CTNNA3: variants seen among roughly 807,000 people sequenced by gnomAD.
The protein encoded by CTNNA3 is catenin alpha 3, also known as catenin alpha-3.
A neutral mutation model predicts 95.7 loss-of-function variants in CTNNA3; 76 were observed. The observed-to-expected ratio is 0.79, with a 90% CI of 0.66 to 0.96. The LOEUF (loss-of-function observed/expected upper bound fraction) is 0.96. Among genes scored for constraint, CTNNA3 ranks in the 40% least tolerant of loss-of-function variants. The pLI is 0.00. For synonymous variants in CTNNA3, 431 were observed against 374.4 expected, an observed-to-expected ratio of 1.15 and a Z score of -1.74; for missense variants, 1,191 against 1,089.8, an observed-to-expected ratio of 1.09 and a Z score of -1.31.
intron 17 of CTNNA3, among the ~76,000 whole-genome samples, chr10:65,931,321 C>T (rs930330753): frequency 1.3e-5 from 2 of 152,192 alleles, no homozygotes; most frequent in South Asian, 2.1e-4. Flanking sequence ...GTGGGCACTG[C>T]CATAGCGCCT....
At chr10:66,008,961 G>A (rs1022656188) in intron 15 of CTNNA3, among the ~76,000 whole-genome samples, 1 of 152,086 alleles carries the variant, frequency 6.6e-6, no homozygotes, top group Non-Finnish European at 1.5e-5. Context: ...TTATCCGTAT[G>A]TAGTGGCACG....
Position 66,280,641 on chromosome 10 carries a change from G to A in CTNNA3, c.1733-20C>T, listed in dbSNP as rs2091476722. 6.3e-7 allele frequency: 1 copy of A among 1,584,078 alleles called. No homozygotes were observed. The highest frequency in any genetic ancestry group is 1.4e-5 in the African/African-American group (1 of 73,344). On this transcript the variant is annotated intron_variant, in intron 12 of 17. Transcript: ENST00000433211. Reference sequence around the variant, plus strand: ...GAATTACTGTTAAAATAAAGAATAAGGAGAAGATTGTCCTCTTTGTATTTT... The same window carrying A: ...GAATTACTGTTAAAATAAAGAATAAAGAGAAGATTGTCCTCTTTGTATTTT...
At chr10:67,271,331 G>C (rs1225364225) in intron 5 of CTNNA3, among the ~76,000 whole-genome samples, 1 of 152,100 alleles carries the variant, frequency 6.6e-6, no homozygotes, top group African/African-American at 2.4e-5. Flanking sequence ...TAGTGAGTTC[G>C]TTCTCAGGAG....
intron 12 of CTNNA3, among the ~76,000 whole-genome samples, chr10:66,288,777 C>T (rs1488808572): frequency 2.0e-5 from 3 of 151,996 alleles, no homozygotes; most frequent in East Asian, 1.9e-4. Flanking sequence ...TGAGTGATAT[C>T]GGTATCATCT....
intron 9 of CTNNA3, among the ~76,000 whole-genome samples, chr10:66,632,960 C>A (rs1383097384): frequency 3.3e-5 from 5 of 152,052 alleles, no homozygotes; most frequent in African/African-American, 1.2e-4. Context: ...CTAGCTCTTA[C>A]TAAGCAGGAT....
At chr10:65,936,045 G>T (rs531462465) in intron 17 of CTNNA3, among the ~76,000 whole-genome samples, 2 of 152,168 alleles carry the variant, frequency 1.3e-5, no homozygotes, top group African/African-American at 4.8e-5. Flanking sequence ...GATGTATCTT[G>T]GTTTCAGGCT....
rs1564825256 is a variant in CTNNA3 at position 67,679,210 on chromosome 10, T to C, written c.-6+16790A>G. On this transcript the variant is annotated intron_variant, in intron 1 of 17. Coordinates refer to ENST00000433211, the MANE Select transcript of CTNNA3 (RefSeq NM_013266.4). ...CTATTGACATTTGAGGCTGGATAAC[T>C]CTTTATGGTTGGGGGCTTTCCTGTG... 3.9e-5 allele frequency among the ~76,000 whole-genome samples: 6 copies of C among 152,312 alleles called. No individual in the cohort carries two copies. The South Asian group carries it at 1.2e-3, about 32-fold the overall frequency.
Position 67,322,517 on chromosome 10 carries a change from G to A in CTNNA3, c.580-102647C>T, listed in dbSNP as rs143666464. Among the ~76,000 whole-genome samples, 835 of 152,220 alleles carry A rather than the reference G, an allele frequency of 5.5e-3. 4 individuals are homozygous for A. The highest frequency in any genetic ancestry group is 0.019 in the African/African-American group (795 of 41,536). The stretch of plus-strand genomic sequence containing the variant: ...CTGCTTTAGTTTGCTAAGAATAATG[G>A]CCTCCAGCTCTATCCATGTTCCTGC... On this transcript the variant is annotated intron_variant, in intron 5 of 17. Coordinates refer to ENST00000433211, the MANE Select transcript of CTNNA3 (RefSeq NM_013266.4).
At chr10:67,108,971 T>A (rs1010545893) in intron 7 of CTNNA3, among the ~76,000 whole-genome samples, 1 of 152,114 alleles carries the variant, frequency 6.6e-6, no homozygotes, top group Admixed American at 6.5e-5. Flanking sequence ...TTGAATAAAC[T>A]TAAAGTAATT....
intron 2 of CTNNA3, among the ~76,000 whole-genome samples, chr10:67,642,124 A>T (rs1839556562): frequency 6.6e-6 from 1 of 152,194 alleles, no homozygotes; most frequent in Non-Finnish European, 1.5e-5. Context: ...ACATAGGCAA[A>T]GGCAAAGATT....
At chr10:66,729,494 A>G (rs1848884291) in intron 9 of CTNNA3, among the ~76,000 whole-genome samples, 2 of 152,258 alleles carry the variant, frequency 1.3e-5, no homozygotes, top group Admixed American at 1.3e-4. Context: ...GTTCACAGCA[A>G]TGTGGATGGA....
chr10:66,141,276 A>C (rs1282487344), intron 13 of CTNNA3, among the ~76,000 whole-genome samples: 1 of 151,644 alleles, frequency 6.6e-6, no homozygotes. Flanking sequence ...AAAAAAAAAA[A>C]AAGAAAGAAA....
rs559246769 is a variant in CTNNA3 at position 66,250,960 on chromosome 10, A to G, written c.1884+29510T>C. On this transcript the variant is annotated intron_variant, in intron 13 of 17. Transcript: ENST00000433211. ...ACCATATGAAGTGGAGAATGTTAGT[A>G]CTGTATGTTCTATACCTCTCATATT... Among the ~76,000 whole-genome samples the G allele has an allele frequency of 1.4e-4, 21 of 152,334 alleles. No homozygotes were observed. In the South Asian group the frequency reaches 4.1e-3, roughly 30 times the overall value.
At chr10:67,704,538 A>G (rs1841065642) in intron 1 of CTNNA3, among the ~76,000 whole-genome samples, 1 of 152,254 alleles carries the variant, frequency 6.6e-6, no homozygotes. Context: ...AGGATTCCCT[A>G]TTTAATAAAC....
At chr10:67,644,211 T>C in intron 2 of CTNNA3, among the ~76,000 whole-genome samples, 1 of 152,190 alleles carries the variant, frequency 6.6e-6, no homozygotes, top group East Asian at 1.9e-4. Flanking sequence ...TCCTGACTTT[T>C]TAATGATCAC....
At chr10:66,543,653 C>G (rs775952293) in intron 10 of CTNNA3, among the ~76,000 whole-genome samples, 3 of 151,434 alleles carry the variant, frequency 2.0e-5, no homozygotes, top group Non-Finnish European at 4.4e-5. Context: ...AATTACATTT[C>G]TAAAGATAGT....
At chr10:67,280,395 A>AT (rs1839347344) in intron 5 of CTNNA3, among the ~76,000 whole-genome samples, 1 of 139,304 alleles carries the variant, frequency 7.2e-6, no homozygotes, top group Non-Finnish European at 1.6e-5. Flanking sequence ...GTGATGCAGG[A>AT]TTTTTTTCCT....
chr10:67,057,962 T>C (rs1430339308), intron 7 of CTNNA3, among the ~76,000 whole-genome samples: 2 of 152,092 alleles, frequency 1.3e-5, no homozygotes, highest in Non-Finnish European at 2.9e-5. Context: ...TTCCTATAAT[T>C]CCAGAATGAT....
chr10:65,970,988 C>CT (rs533752420), intron 16 of CTNNA3, among the ~76,000 whole-genome samples: 2,462 of 141,370 alleles, frequency 0.017, 48 homozygotes, highest in African/African-American at 0.053. Context: ...TTAAACCTCT[C>CT]TTTTTTTTTT....
Sources: gnomAD v4.1 joint callset for allele counts (sites outside exome capture counted in the v4.1 genomes callset) on GRCh38, gnomAD v4.1.1 for gene constraint, MANE v1.5 for transcripts, NCBI Gene and HGNC (gene_info 2026-07-23, HGNC 2026-07-21) for gene names.